EPHA3: variants seen among roughly 807,000 people sequenced by gnomAD.
EPHA3 encodes the protein EPH receptor A3, also known as ephrin type-A receptor 3.
Under a neutral mutation model 107.1 loss-of-function variants are expected in EPHA3, and 42 were observed. That is an observed-to-expected ratio of 0.39 (90% CI 0.31 to 0.51). The LOEUF (loss-of-function observed/expected upper bound fraction) is 0.51. Among genes scored for constraint, EPHA3 ranks in the 20% least tolerant of loss-of-function variants. The pLI is 0.78. For missense variants in EPHA3, 1,183 were observed against 1,211.2 expected, an observed-to-expected ratio of 0.98 and a Z score of 0.35; for synonymous variants, 461 against 424.8, an observed-to-expected ratio of 1.09 and a Z score of -1.05.
chr3:89,271,641 G>A (rs2107298813), intron 3 of EPHA3, among the ~76,000 whole-genome samples: 1 of 151,854 alleles, frequency 6.6e-6, no homozygotes, highest in Admixed American at 6.6e-5. Flanking sequence ...GATAGCTGAT[G>A]GTTGATTGTA....
intron 1 of EPHA3, among the ~76,000 whole-genome samples, chr3:89,108,281 G>A (rs1707020434): frequency 1.3e-5 from 2 of 152,136 alleles, no homozygotes; most frequent in African/African-American, 2.4e-5. Flanking sequence ...TTCCTACTTG[G>A]GATCATGGCA....
At chr3:89,388,283 C>T (rs532118333) in intron 5 of EPHA3, among the ~76,000 whole-genome samples, 7 of 152,142 alleles carry the variant, frequency 4.6e-5, no homozygotes, top group East Asian at 3.9e-4. Context: ...TATGCAAAGC[C>T]GGCACTATGC....
At chr3:89,352,512 A>G (rs1309042736) in intron 5 of EPHA3, among the ~76,000 whole-genome samples, 1 of 151,158 alleles carries the variant, frequency 6.6e-6, no homozygotes, top group Non-Finnish European at 1.5e-5. Flanking sequence ...AATAGTATCC[A>G]TTCGTTAAGA....
At chr3:89,460,264 A>T (rs1710196026) in intron 15 of EPHA3, among the ~76,000 whole-genome samples, 1 of 152,156 alleles carries the variant, frequency 6.6e-6, no homozygotes, top group Non-Finnish European at 1.5e-5. Context: ...TACTGTTGTA[A>T]ATTGATAAAA....
chr3:89,381,193 C>T (rs186465094), intron 5 of EPHA3, among the ~76,000 whole-genome samples: 1,632 of 151,422 alleles, frequency 0.011, 25 homozygotes, highest in African/African-American at 0.037. Context: ...AGGATGATCT[C>T]GATCTCCTGA....
intron 15 of EPHA3, among the ~76,000 whole-genome samples, chr3:89,467,137 G>A (rs77073558): frequency 2.3e-4 from 35 of 152,054 alleles, no homozygotes; most frequent in African/African-American, 5.3e-4. Flanking sequence ...CAAGGTCATC[G>A]GCAATCAACA....
intron 2 of EPHA3, among the ~76,000 whole-genome samples, chr3:89,155,958 G>A (rs1482858727): frequency 6.6e-6 from 1 of 151,960 alleles, no homozygotes; most frequent in Non-Finnish European, 1.5e-5. Context: ...AACTTTACAA[G>A]AAACAGATTG....
intron 16 of EPHA3, among the ~76,000 whole-genome samples, chr3:89,479,047 T>G (rs988810084): frequency 6.6e-6 from 1 of 152,178 alleles, no homozygotes; most frequent in Non-Finnish European, 1.5e-5. Context: ...TGTATCCTAT[T>G]CTCTTATAAG....
intron 3 of EPHA3, among the ~76,000 whole-genome samples, chr3:89,229,308 C>G (rs1704572424): frequency 6.6e-6 from 1 of 151,814 alleles, no homozygotes; most frequent in Non-Finnish European, 1.5e-5. Context: ...GCATATAACT[C>G]AAGTTTGAAG....
At chr3:89,329,052 A>G (rs183639626) in intron 3 of EPHA3, among the ~76,000 whole-genome samples, 8 of 152,134 alleles carry the variant, frequency 5.3e-5, no homozygotes, top group Admixed American at 1.3e-4. Context: ...ATTTTTTTGC[A>G]TGTTATAAAA....
At chr3:89,208,227 A>G (rs1398329331) in intron 2 of EPHA3, among the ~76,000 whole-genome samples, 1 of 151,580 alleles carries the variant, frequency 6.6e-6, no homozygotes, top group Non-Finnish European at 1.5e-5. Context: ...AAAATTAGCC[A>G]GTTGTGGTGT....
intron 2 of EPHA3, among the ~76,000 whole-genome samples, chr3:89,153,932 G>T (rs1436067948): frequency 6.6e-6 from 1 of 151,984 alleles, no homozygotes; most frequent in South Asian, 2.1e-4. Context: ...ATCCTTGCTA[G>T]TGTCCACGGT....
At chr3:89,294,157 TTC>T in intron 3 of EPHA3, among the ~76,000 whole-genome samples, 1 of 152,306 alleles carries the variant, frequency 6.6e-6, no homozygotes, top group East Asian at 1.9e-4. Flanking sequence ...TTATGTTTTC[TTC>T]TACAAATTTT....
chr3:89,283,867 G>A (rs1253009891), intron 3 of EPHA3, among the ~76,000 whole-genome samples: 4 of 151,990 alleles, frequency 2.6e-5, no homozygotes, highest in Non-Finnish European at 4.4e-5. Context: ...AATGGAATAT[G>A]TTTTGTCTTC....
At chr3:89,376,830 A>C (rs1055232836) in intron 5 of EPHA3, among the ~76,000 whole-genome samples, 1 of 152,102 alleles carries the variant, frequency 6.6e-6, no homozygotes, top group African/African-American at 2.4e-5. Flanking sequence ...TGTAGTTCAT[A>C]AGGGCCTTTT....
intron 2 of EPHA3, among the ~76,000 whole-genome samples, chr3:89,132,519 T>C (rs1226829115): frequency 1.3e-5 from 2 of 152,194 alleles, no homozygotes; most frequent in South Asian, 2.1e-4. Context: ...TTGGTTAGAA[T>C]TGAGGCATCT....
intron 2 of EPHA3, among the ~76,000 whole-genome samples, chr3:89,142,844 G>A (rs1465947843): frequency 6.6e-6 from 1 of 151,370 alleles, no homozygotes; most frequent in Non-Finnish European, 1.5e-5. Flanking sequence ...ACGCAGTAGA[G>A]ATCCCCTTTA....
intron 3 of EPHA3, among the ~76,000 whole-genome samples, chr3:89,245,898 G>A (rs1465999487): frequency 1.3e-5 from 2 of 152,140 alleles, no homozygotes; most frequent in Admixed American, 1.3e-4. Context: ...AGGATAATAA[G>A]GTTACGTAAA....
chr3:89,330,695 C>G (rs1707265728), intron 3 of EPHA3, among the ~76,000 whole-genome samples: 1 of 152,062 alleles, frequency 6.6e-6, no homozygotes, highest in Non-Finnish European at 1.5e-5. Flanking sequence ...AGTGGATAAT[C>G]AACAATATAA....
Sources: allele counts gnomAD v4.1 joint callset (sites outside exome capture counted in the v4.1 genomes callset), GRCh38; gene constraint gnomAD v4.1.1; transcripts MANE v1.5; gene names NCBI Gene and HGNC (gene_info 2026-07-23, HGNC 2026-07-21).